DENND3: variants seen among roughly 807,000 people sequenced by gnomAD.
DENND3 encodes DENN domain-containing protein 3.
DENND3 carries 88 observed loss-of-function variants against 135.1 expected under a neutral mutation model. The observed-to-expected ratio is 0.65, with a 90% CI of 0.55 to 0.78. The LOEUF (loss-of-function observed/expected upper bound fraction) is 0.78. Among genes scored for constraint, DENND3 ranks in the 30% least tolerant of loss-of-function variants. The pLI, the probability that DENND3 is intolerant of heterozygous loss-of-function variation, is 0.00. For missense variants in DENND3, 1,392 were observed against 1,688.4 expected (o/e 0.82, Z 3.08); for synonymous variants, 693 against 712.3 (o/e 0.97, Z 0.43).
Position 141,189,166 on chromosome 8 carries a change from G to A in DENND3, c.3245+20G>A, listed in dbSNP as rs762430870. 12 of 1,614,050 alleles carry A rather than the reference G, an allele frequency of 7.4e-6. No homozygotes were observed. The East Asian group carries it at 2.5e-4, about 33-fold the overall frequency. On this transcript the variant is annotated intron_variant, in intron 19 of 22. Transcript: ENST00000519811. ...ACCCAGGTGCAGTAAGCTCTGCTGG[G>A]GAGAAGGGACTGTTTGGCTTGTGGG... is the stretch of plus-strand genomic sequence containing the variant.
intron 1 of DENND3, 142 bp from the exon 2 acceptor site, chr8:141,136,367 C>G: frequency 1.2e-6 from 1 of 856,694 alleles, no homozygotes; most frequent in Non-Finnish European, 1.7e-6. Context: ...TCCCAGGAGC[C>G]CTTTACTGTT....
chr8:141,172,567 C>T (rs528414483), intron 13 of DENND3, among the ~76,000 whole-genome samples: 1 of 152,310 alleles, frequency 6.6e-6, no homozygotes, highest in South Asian at 2.1e-4. Context: ...TTGCCCTGAG[C>T]GGCGCAAGGG....
intron 5 of DENND3, among the ~76,000 whole-genome samples, chr8:141,149,171 A>G (rs1818496730): frequency 6.6e-6 from 1 of 152,130 alleles, no homozygotes; most frequent in Non-Finnish European, 1.5e-5. Flanking sequence ...CAGCCTCCCA[A>G]AGTGCTGGGA....
Position 141,150,963 on chromosome 8 carries a change from C to A in DENND3, c.855+10C>A. ...TGAGAAGGTGCTACAGGTACGCGGCCCCGCCCCGGCGAGCGCGTCTTGTGC... is the reference window on the plus strand; with the variant it reads ...TGAGAAGGTGCTACAGGTACGCGGCACCGCCCCGGCGAGCGCGTCTTGTGC... On this transcript the variant is annotated intron_variant, in intron 6 of 22. Transcript: ENST00000519811. The A allele has an allele frequency of 6.5e-7, 1 of 1,527,626 alleles. No homozygotes were observed. The highest frequency in any genetic ancestry group is 8.8e-7 in the Non-Finnish European group (1 of 1,142,500). The allele number at this position is 1,527,626 out of a possible 1,614,324, so 94.6% of individuals were successfully genotyped here.
chr8:141,147,842 AG>A (rs1818351920), intron 5 of DENND3, among the ~76,000 whole-genome samples: 1 of 152,218 alleles, frequency 6.6e-6, no homozygotes, highest in Non-Finnish European at 1.5e-5. Flanking sequence ...GAGCGTGTGC[AG>A]GGATGCCTCG....
In DENND3 at chr8:141,175,538, CT is replaced by C. The variant is rs1822216934; in HGVS notation, c.2535+80del. ...ATGGCTGGAGTGGGCCCTGAGCAGTCTGCCAGCCATGCCAAGTACCAGCTGC... is the reference window on the plus strand; with the variant it reads ...ATGGCTGGAGTGGGCCCTGAGCAGTCGCCAGCCATGCCAAGTACCAGCTGC... On this transcript the variant is annotated intron_variant, in intron 14 of 22. Transcript: ENST00000519811. The surrounding 1 kb of genome is among the most constrained non-coding windows in gnomAD (Gnocchi z 5.4). 3.7e-6 allele frequency: 6 copies of C among 1,606,968 alleles called. No individual in the cohort carries two copies. The highest frequency in any genetic ancestry group is 1.3e-5 in the African/African-American group (1 of 74,864).
intron 8 of DENND3, among the ~76,000 whole-genome samples, chr8:141,156,194 C>G (rs572830): frequency 0.97 from 148,002 of 152,208 alleles, 71,976 homozygotes; most frequent in East Asian, 1. Flanking sequence ...CTGCCTCCCA[C>G]GTTCAAGCGA....
Position 141,168,521 on chromosome 8 carries a change from T to C in DENND3, c.2271T>C (p.Thr757=). The change falls in exon 13 of 23, where the codon ACT becomes ACC. Residue 757 remains threonine, a synonymous_variant. Transcript: ENST00000519811. The surrounding 1 kb of genome is among the most constrained non-coding windows in gnomAD (Gnocchi z 6.2). The stretch of plus-strand genomic sequence containing the variant: ...TACACCGGCTGTTCGAGGCCTTGAC[T>C]GTAGGTAAGAGGAGGCCTGGCACCA... ...SIIHRLFEAL[T]VGQEKQIDPE... is the part of the protein sequence containing the mutation. 6.2e-7 allele frequency: 1 copy of C among 1,604,312 alleles called. No homozygotes were observed. The highest frequency in any genetic ancestry group is 8.5e-7 in the Non-Finnish European group (1 of 1,173,296).
rs60546894 is a variant in DENND3 at position 141,145,803 on chromosome 8, TTATATATATATATA to T, written c.735+1578_735+1591del. 3.5e-3 allele frequency among the ~76,000 whole-genome samples: 301 copies of T among 87,102 alleles called. 4 individuals are homozygous for T. Among genetic ancestry groups the T allele is most frequent in the African/African-American group, 8.4e-3 (205 of 24,490 alleles). The allele number at this position is 87,102 out of a possible 152,430, so 57.1% of individuals were successfully genotyped here. The stretch of plus-strand genomic sequence containing the variant: ...GTTTATTTGTCTTTAATATTGAATA[TTATATATATATATA>T]TATATATATATATATATATATATAT... On this transcript the variant is annotated intron_variant, in intron 5 of 22. Coordinates refer to ENST00000519811, the MANE Select transcript of DENND3 (RefSeq NM_001352890.3).
Position 141,160,656 on chromosome 8 carries a change from T to C in DENND3, c.1221T>C (p.His407=). The change falls in exon 9 of 23, where the codon CAT becomes CAC. Residue 407 remains histidine, a synonymous_variant. Coordinates refer to ENST00000519811, the MANE Select transcript of DENND3 (RefSeq NM_001352890.3). ...GGGTGCAGAGCCTCCAGCTCCACCA[T>C]GAGCTGCACGCCGCCCACCTCCTCT... ...IQRVQSLQLH[H]ELHAAHLLSS... is the part of the protein sequence containing the mutation. The C allele has an allele frequency of 6.2e-7, 1 of 1,609,036 alleles. No individual in the cohort carries two copies. The highest frequency in any genetic ancestry group is 8.5e-7 in the Non-Finnish European group (1 of 1,176,646).
intron 10 of DENND3, among the ~76,000 whole-genome samples, chr8:141,164,095 C>T (rs902963280): frequency 1.3e-5 from 2 of 152,242 alleles, no homozygotes; most frequent in Non-Finnish European, 2.9e-5. Flanking sequence ...TGTGCATCCC[C>T]GTAGACGGCT....
intron 22 of DENND3, chr8:141,193,107 C>G: frequency 3.4e-6 from 1 of 296,880 alleles, no homozygotes; most frequent in Non-Finnish European, 6.6e-6. Context: ...ATGGCACTCT[C>G]TCTCCCTGTG....
chr8:141,147,144 C>T (rs10090229), intron 5 of DENND3, among the ~76,000 whole-genome samples: 62 of 152,298 alleles, frequency 4.1e-4, no homozygotes, highest in East Asian at 1.9e-3. Context: ...CACTCAGCCT[C>T]GCCGGACTAC....
intron 1 of DENND3, among the ~76,000 whole-genome samples, chr8:141,133,711 T>C (rs1170793737): frequency 6.6e-6 from 1 of 150,966 alleles, no homozygotes; most frequent in Non-Finnish European, 1.5e-5. Context: ...AGGTGGGGCA[T>C]GGTGGGGCTG....
At chr8:141,163,194 G>A (rs1820354873) in intron 9 of DENND3, 139 bp from the exon 10 acceptor site, 1 of 533,692 alleles carries the variant, frequency 1.9e-6, no homozygotes, top group Non-Finnish European at 3.4e-6. Flanking sequence ...GTATCATTTT[G>A]GTAATCAAGA....
rs777697850 is a variant in DENND3 at position 141,150,973 on chromosome 8, C to A, written c.855+20C>A. The A allele has an allele frequency of 1.3e-6, 2 of 1,510,510 alleles. No homozygotes were observed. Among genetic ancestry groups the A allele is most frequent in the South Asian group, 1.4e-5 (1 of 73,580 alleles). 93.6% of individuals were successfully genotyped at this position (1,510,510 alleles called of 1,614,324 possible). Reference sequence around the variant, plus strand: ...CTACAGGTACGCGGCCCCGCCCCGGCGAGCGCGTCTTGTGCTCCCTGCCTT... The same window carrying A: ...CTACAGGTACGCGGCCCCGCCCCGGAGAGCGCGTCTTGTGCTCCCTGCCTT... On this transcript the variant is annotated intron_variant, in intron 6 of 22. Coordinates refer to ENST00000519811, the MANE Select transcript of DENND3 (RefSeq NM_001352890.3).
rs911388290 is a variant in DENND3, at chr8:141,182,845, A to C, written c.2944+1991A>C. On this transcript the variant is annotated intron_variant, in intron 17 of 22. Transcript: ENST00000519811. This position sits in a 1 kb window ranked among gnomAD's most constrained non-coding sequence, Gnocchi z 5.9. ...AGAACCAGCCCTGAGGCCAGGCCAC[A>C]GGTCAGCTCAGGCTCTGCCCATGGG... 6.6e-6 allele frequency among the ~76,000 whole-genome samples: 1 copy of C among 152,228 alleles called. No homozygotes were observed. The highest frequency in any genetic ancestry group is 1.5e-5 in the Non-Finnish European group (1 of 68,034).
chr8:141,167,985 T>C lies in DENND3; in HGVS notation c.1754-19T>C. The C allele has an allele frequency of 6.3e-7, 1 of 1,594,784 alleles. No homozygotes were observed. Among genetic ancestry groups the C allele is most frequent in the South Asian group, 1.1e-5 (1 of 88,964 alleles). On this transcript the variant is annotated intron_variant, in intron 12 of 22. Coordinates refer to ENST00000519811, the MANE Select transcript of DENND3 (RefSeq NM_001352890.3). This position sits in a 1 kb window ranked among gnomAD's most constrained non-coding sequence, Gnocchi z 4.1. ...GAAGGTCTGTGCTAATGGTCTCCTT[T>C]TCCCCCTGAATGTTTTAGTTCTGAA...
chr8:141,172,108 C>T (rs371099273), intron 13 of DENND3, among the ~76,000 whole-genome samples: 199 of 138,578 alleles, frequency 1.4e-3, no homozygotes, highest in Non-Finnish European at 2.3e-3. Flanking sequence ...TGGGTGTGCA[C>T]GGTGGTGGGC....
Sources: gnomAD v4.1 joint callset for allele counts (sites outside exome capture counted in the v4.1 genomes callset) on GRCh38, gnomAD v4.1.1 for gene constraint, Gnocchi (gnomAD v3.1) non-coding constraint, MANE v1.5 for transcripts, NCBI Gene and HGNC (gene_info 2026-07-23, HGNC 2026-07-21) for gene names.